ZNF536: variants seen among roughly 807,000 people sequenced by gnomAD.
The protein encoded by ZNF536 is zinc finger protein 536.
Under a neutral mutation model 84.5 loss-of-function variants are expected in ZNF536, and 13 were observed. The ratio of observed to expected loss-of-function variants is 0.15; its 90% CI spans 0.10 to 0.24. The LOEUF is 0.24. ZNF536 is among the 10% of genes least tolerant of loss of function. ZNF536 has a pLI of 1.00. For missense variants in ZNF536, 1,536 were observed against 1,747.5 expected (o/e 0.88, Z 2.16); for synonymous variants, 811 against 742.5 (o/e 1.09, Z -1.50).
At chr19:30,446,714 G>A (rs781099928) in intron 2 of ZNF536, among the ~76,000 whole-genome samples, 107 of 152,118 alleles carry the variant, frequency 7.0e-4, no homozygotes, top group Admixed American at 2.8e-3. Context: ...TTACACGGCT[G>A]ATACAGCTTT....
chr19:30,475,657 C>T (rs910503586), intron 2 of ZNF536, among the ~76,000 whole-genome samples: 1 of 152,132 alleles, frequency 6.6e-6, no homozygotes, highest in Non-Finnish European at 1.5e-5. Flanking sequence ...CATGAAGAAA[C>T]GGGGGTACAG....
intron 1 of ZNF536, among the ~76,000 whole-genome samples, chr19:30,705,809 T>C (rs1418354821): frequency 6.6e-6 from 1 of 152,240 alleles, no homozygotes; most frequent in East Asian, 1.9e-4. Context: ...TACATATAGA[T>C]TTCCATCTCA....
intron 2 of ZNF536, among the ~76,000 whole-genome samples, chr19:30,496,073 G>A (rs2145203015): frequency 6.6e-6 from 1 of 152,272 alleles, no homozygotes; most frequent in South Asian, 2.1e-4. Context: ...ATGTCTTGAA[G>A]GAATGTCCAC....
intron 1 of ZNF536, among the ~76,000 whole-genome samples, chr19:30,236,155 G>C (rs569045131): frequency 6.6e-6 from 1 of 152,208 alleles, no homozygotes; most frequent in African/African-American, 2.4e-5. Flanking sequence ...TTTAATCTGC[G>C]CAGCCGAAAC....
At chr19:30,509,362 CACAT>C (rs1433055368) in intron 2 of ZNF536, among the ~76,000 whole-genome samples, 1 of 143,880 alleles carries the variant, frequency 7.0e-6, no homozygotes, top group African/African-American at 2.5e-5. Context: ...ATATGTATTA[CACAT>C]ACATATATGA....
At chr19:30,428,396 A>G (rs182756573) in intron 1 of ZNF536, among the ~76,000 whole-genome samples, 228 of 152,312 alleles carry the variant, frequency 1.5e-3, no homozygotes, top group African/African-American at 5.4e-3. Context: ...AGAGCTGACA[A>G]GTTGCCCCTT....
At chr19:30,463,676 C>T (rs2053256707) in intron 2 of ZNF536, among the ~76,000 whole-genome samples, 1 of 152,100 alleles carries the variant, frequency 6.6e-6, no homozygotes, top group Non-Finnish European at 1.5e-5. Context: ...GGCACTTTGC[C>T]CAGCAGCCAA....
intron 1 of ZNF536, among the ~76,000 whole-genome samples, chr19:30,631,337 G>A (rs1477510773): frequency 5.3e-5 from 8 of 152,124 alleles, no homozygotes; most frequent in Non-Finnish European, 8.8e-5. Flanking sequence ...ATGGAAATCC[G>A]ACTGCTGGCA....
intron 1 of ZNF536, among the ~76,000 whole-genome samples, chr19:30,574,231 T>A (rs778220704): frequency 1.3e-5 from 2 of 152,238 alleles, no homozygotes; most frequent in African/African-American, 2.4e-5. Flanking sequence ...TTTTGTACCC[T>A]AAAACTATTT....
chr19:30,643,076 G>C (rs989918287), intron 1 of ZNF536, among the ~76,000 whole-genome samples: 22 of 152,310 alleles, frequency 1.4e-4, no homozygotes, highest in Admixed American at 1.3e-3. Context: ...AGTAAAGCCA[G>C]ATTTGCATAA....
intron 1 of ZNF536, among the ~76,000 whole-genome samples, chr19:30,237,816 C>T (rs1184357305): frequency 6.6e-6 from 1 of 151,312 alleles, no homozygotes; most frequent in African/African-American, 2.4e-5. Flanking sequence ...GTTGCTTCCT[C>T]TCTCAATAAG....
chr19:30,417,352 T>C (rs1018960295), intron 1 of ZNF536, among the ~76,000 whole-genome samples: 1 of 152,022 alleles, frequency 6.6e-6, no homozygotes, highest in Admixed American at 6.6e-5. Flanking sequence ...GGCATGCCGA[T>C]GACCTGCTTC....
chr19:30,433,921 G>A (rs1353149611), intron 1 of ZNF536, among the ~76,000 whole-genome samples: 1 of 151,860 alleles, frequency 6.6e-6, no homozygotes, highest in African/African-American at 2.4e-5. Context: ...GCTGCGGTCA[G>A]CATCTAAGAA....
chr19:30,681,809 G>T (rs1464121121), intron 1 of ZNF536, among the ~76,000 whole-genome samples: 1 of 152,138 alleles, frequency 6.6e-6, no homozygotes, highest in African/African-American at 2.4e-5. Context: ...TCTCTGGGTA[G>T]CCCCCCTTCC....
intron 2 of ZNF536, among the ~76,000 whole-genome samples, chr19:30,481,014 G>GTTAA (rs2054061131): frequency 6.9e-6 from 1 of 144,218 alleles, no homozygotes; most frequent in Non-Finnish European, 1.5e-5. Flanking sequence ...GGGCAACAGA[G>GTTAA]TTAGACCCTG....
intron 3 of ZNF536, among the ~76,000 whole-genome samples, chr19:30,541,004 GGC>G (rs1321253636): frequency 1.3e-5 from 2 of 152,270 alleles, no homozygotes; most frequent in African/African-American, 4.8e-5. Context: ...GGCATGTGGA[GGC>G]GCTCTGACCT....
intron 2 of ZNF536, among the ~76,000 whole-genome samples, chr19:30,340,711 C>T (rs2146540713): frequency 6.6e-6 from 1 of 152,214 alleles, no homozygotes; most frequent in East Asian, 1.9e-4. Flanking sequence ...ATGCAATTTG[C>T]TGTCTATTTT....
intron 3 of ZNF536, among the ~76,000 whole-genome samples, chr19:30,535,469 G>A (rs1273300552): frequency 6.6e-6 from 1 of 152,156 alleles, no homozygotes; most frequent in African/African-American, 2.4e-5. Flanking sequence ...GCCCAGACCT[G>A]GGACAGGGCA....
intron 1 of ZNF536, among the ~76,000 whole-genome samples, chr19:30,372,798 A>G (rs2048658860): frequency 1.3e-5 from 2 of 151,678 alleles, no homozygotes. Context: ...AACTTTTCCT[A>G]TAATTCCTAC....
Sources: allele counts gnomAD v4.1 joint callset (sites outside exome capture counted in the v4.1 genomes callset), GRCh38; gene constraint gnomAD v4.1.1; transcripts MANE v1.5; gene names NCBI Gene and HGNC (gene_info 2026-07-23, HGNC 2026-07-21).